Variants in NFKBIZ observed in about 807,000 individuals in gnomAD.
The protein encoded by NFKBIZ is NFKB inhibitor zeta.
NFKBIZ carries 19 observed loss-of-function variants against 76.8 expected under a neutral mutation model. The ratio of observed to expected loss-of-function variants is 0.25; its 90% confidence interval spans 0.17 to 0.36. NFKBIZ has a LOEUF of 0.36. Ranked by LOEUF, NFKBIZ falls within the 10% of genes least tolerant of loss-of-function variation. NFKBIZ has a pLI of 1.00. For missense variants in NFKBIZ, 829 were observed against 910.9 expected (o/e 0.91, Z 1.16); for synonymous variants, 368 against 354.8 (o/e 1.04, Z -0.42).
chr3:101,841,343 T>A (rs1215647936), intron 2 of NFKBIZ, among the ~76,000 whole-genome samples: 1 of 152,182 alleles, frequency 6.6e-6, no homozygotes, highest in African/African-American at 2.4e-5. Context: ...GGGAAGTATA[T>A]AAGTGCCAGT....
At chr3:101,837,080 A>G (rs1277238062) in intron 2 of NFKBIZ, among the ~76,000 whole-genome samples, 1 of 152,178 alleles carries the variant, frequency 6.6e-6, no homozygotes, top group Non-Finnish European at 1.5e-5. Flanking sequence ...ATCTGTTTAC[A>G]CCATTCTCCA....
rs111616970 is a variant in NFKBIZ, at chr3:101,830,383, C to G, written c.-12+695C>G. The stretch of plus-strand genomic sequence containing the variant: ...GGGGGTGCATGTATAGGTTTGTTAC[C>G]TGGGTGTATTGCGTGATGTTGAGGT... On this transcript the variant is annotated intron_variant, in intron 2 of 12. Coordinates refer to the NFKBIZ transcript ENST00000394054. Among the ~76,000 whole-genome samples, 547 of 152,170 alleles carry G rather than the reference C, an allele frequency of 3.6e-3. 2 individuals are homozygous for G. Among genetic ancestry groups the G allele is most frequent in the African/African-American group, 0.012 (482 of 41,518 alleles).
At position 101,860,915 on chromosome 3, in the gene NFKBIZ, G is replaced by C. The variant is rs1317745075; in HGVS notation, c.*1544G>C. On this transcript the variant is annotated 3_prime_UTR_variant, in exon 12 of 12. Coordinates refer to ENST00000326172, the MANE Select transcript of NFKBIZ (RefSeq NM_031419.4). ...CACATTGTTTGACCCAGTATGTCTTGTAGACACGTTAGTTATAATCACCTT... is the reference window on the plus strand; with the variant it reads ...CACATTGTTTGACCCAGTATGTCTTCTAGACACGTTAGTTATAATCACCTT... The C allele has an allele frequency of 6.6e-6, 1 of 151,096 alleles. No homozygotes were observed. The highest frequency in any genetic ancestry group is 1.9e-4 in the East Asian group (1 of 5,172). 9.4% of individuals were successfully genotyped at this position (151,096 alleles called of 1,614,324 possible).
upstream of NFKBIZ, among the ~76,000 whole-genome samples, chr3:101,848,581 G>T (rs965315807): frequency 2.6e-5 from 4 of 152,106 alleles, no homozygotes; most frequent in African/African-American, 9.7e-5. Context: ...TATCATTCCC[G>T]CATTTTTTGC....
chr3:101,849,539 C>G lies in NFKBIZ; in HGVS notation c.-90C>G. 3 of 1,165,648 alleles carry G rather than the reference C, an allele frequency of 2.6e-6. No individual in the cohort carries two copies. Among genetic ancestry groups the G allele is most frequent in the South Asian group, 2.8e-5 (1 of 35,140 alleles). The allele number at this position is 1,165,648 out of a possible 1,614,324, so 72.2% of individuals were successfully genotyped here. A position where few individuals can be genotyped will look rare whatever the true frequency, so the allele number is the denominator to read the frequency against. ...GTACTGGCCCGCGCCGTCCGCCCGC[C>G]GACAGCTCCCTGAGCCAGCCCGGGA... On this transcript the variant is annotated 5_prime_UTR_variant, in exon 1 of 12. Coordinates refer to ENST00000326172, the MANE Select transcript of NFKBIZ (RefSeq NM_031419.4).
chr3:101,858,458 T>G, intron 11 of NFKBIZ: 5 of 985,178 alleles, frequency 5.1e-6, no homozygotes, highest in Non-Finnish European at 6.0e-6. Context: ...AAGCCCAGTA[T>G]TTGCTTCTAC....
intron 2 of NFKBIZ, among the ~76,000 whole-genome samples, chr3:101,843,160 T>C (rs1206191759): frequency 6.6e-6 from 1 of 151,940 alleles, no homozygotes; most frequent in Non-Finnish European, 1.5e-5. Flanking sequence ...GTTGACCAGG[T>C]GCAGGGGTTT....
chr3:101,849,259 G>C (rs1264062988), upstream of NFKBIZ: 1 of 171,152 alleles, frequency 5.8e-6, no homozygotes, highest in Non-Finnish European at 1.2e-5. Context: ...CGGGAGGCTG[G>C]AAGCCGCGCG....
At position 101,853,672 on chromosome 3, in the gene NFKBIZ, T is replaced by G; in HGVS notation, c.1146T>G (p.Cys382Trp). The G allele has an allele frequency of 6.2e-7, 1 of 1,614,264 alleles. No individual in the cohort carries two copies. Among genetic ancestry groups the G allele is most frequent in the Non-Finnish European group, 8.5e-7 (1 of 1,180,042 alleles). ...TCAGCATGATGCCCAGCAGCGCCTGTGAGGCCATGGTGGGGCACGAGATGG... is the reference window on the plus strand; with the variant it reads ...TCAGCATGATGCCCAGCAGCGCCTGGGAGGCCATGGTGGGGCACGAGATGG... ...HSFSMMPSSA[C>W]EAMVGHEMAS... Residue 382 changes from cysteine (C) to tryptophan (W), a missense_variant, in exon 5 of 12, where the codon TGT (cysteine) becomes TGG (tryptophan). Physicochemically the swap from Cys to Trp is radical, Grantham distance 215. Transcript: ENST00000326172.
chr3:101,849,687 C>T lies in NFKBIZ; in HGVS notation c.59C>T (p.Ala20Val). The T allele has an allele frequency of 7.2e-7, 1 of 1,388,564 alleles. No individual in the cohort carries two copies. Among genetic ancestry groups the T allele is most frequent in the Non-Finnish European group, 9.3e-7 (1 of 1,078,468 alleles). The allele number at this position is 1,388,564 out of a possible 1,614,324, so 86.0% of individuals were successfully genotyped here. Residue 20 changes from alanine (A) to valine (V), a missense_variant, in exon 1 of 12, where the codon GCG becomes GTG. Transcript: ENST00000326172. ...SRGGEGLRDA[A>V]GGCGLMTSPL... Reference sequence around the variant, plus strand: ...GGCGGAGAGGGGCTGCGGGACGCGGCGGGCGGCTGCGGCCTCATGACCAGC... The same window carrying T: ...GGCGGAGAGGGGCTGCGGGACGCGGTGGGCGGCTGCGGCCTCATGACCAGC...
At chr3:101,857,011 T>G (rs2107422482) in intron 9 of NFKBIZ, 62 bp from the exon 10 acceptor site, 2 of 1,189,522 alleles carry the variant, frequency 1.7e-6, no homozygotes, top group South Asian at 1.3e-5. Context: ...GTGAAAAGTG[T>G]ATTCTGAGGC....
chr3:101,857,033 A>ATTTT, intron 9 of NFKBIZ, 40 bp from the exon 10 acceptor site: 1 of 1,088,154 alleles, frequency 9.2e-7, no homozygotes. Context: ...TAGTATCTGG[A>ATTTT]TTTTTTTTTT....
At chr3:101,856,910 T>G (rs1943057337) in intron 9 of NFKBIZ, 163 bp from the exon 10 acceptor site, 3 of 571,064 alleles carry the variant, frequency 5.3e-6, no homozygotes, top group South Asian at 2.4e-5. Context: ...GAATAAAAGA[T>G]TCCATTTAGC....
At chr3:101,850,084 C>G (rs1049652510) in intron 1 of NFKBIZ, among the ~76,000 whole-genome samples, 167 bp downstream of exon 1, 2 of 151,770 alleles carry the variant, frequency 1.3e-5, no homozygotes, top group African/African-American at 4.8e-5. Flanking sequence ...GGGCGCCTGC[C>G]TGACCTACAC....
Position 101,857,089 on chromosome 3 carries a change from G to A in NFKBIZ, c.1841G>A (p.Arg614His), listed in dbSNP as rs1943060346. The change falls in exon 10 of 12, where the codon CGC becomes CAC. Residue 614 changes from arginine to histidine, a missense_variant. Coordinates refer to ENST00000326172, the MANE Select transcript of NFKBIZ (RefSeq NM_031419.4). ...TTTGACAAGGATCGCAAAAGTGGCC[G>A]CACAGCCCTGCATTTGGCAGCTGAA... Reference protein sequence around the residue: ...AVEAKDRKSGRTALHLAAEEA... With the variant: ...AVEAKDRKSGHTALHLAAEEA... The A allele has an allele frequency of 5.6e-6, 9 of 1,611,100 alleles. No homozygotes were observed. The highest frequency in any genetic ancestry group is 3.3e-5 in the Admixed American group (2 of 59,868).
At chr3:101,837,370 A>G (rs994594511) in intron 2 of NFKBIZ, among the ~76,000 whole-genome samples, 2 of 151,988 alleles carry the variant, frequency 1.3e-5, no homozygotes, top group Non-Finnish European at 2.9e-5. Context: ...ATTCCTCCTT[A>G]AAGGACTATT....
In NFKBIZ at chr3:101,855,771, G is replaced by T; in HGVS notation, c.1693G>T (p.Ala565Ser). 6.2e-7 allele frequency: 1 copy of T among 1,613,326 alleles called. No individual in the cohort carries two copies. Among genetic ancestry groups the T allele is most frequent in the Non-Finnish European group, 8.5e-7 (1 of 1,179,734 alleles). Residue 565 changes from alanine (A) to serine (S), a missense_variant, in exon 9 of 12, where the codon GCT becomes TCT. Physicochemically the swap from Ala to Ser is moderately conservative, Grantham distance 99. Around this residue, in one of 4 missense-constraint regions of NFKBIZ, gnomAD observed 272 missense variants for 384.2 expected, o/e 0.71. Coordinates refer to ENST00000326172, the MANE Select transcript of NFKBIZ (RefSeq NM_031419.4). ...PLHCAVIAHN[A>S]VVHELQRNQQ... ...TCACTGTGCAGTCATAGCCCACAAT[G>T]CTGTGGTCCATGAACTCCAGAGAAA...
intron 11 of NFKBIZ, chr3:101,858,069 T>G (rs1436543386): frequency 4.3e-6 from 4 of 929,218 alleles, no homozygotes; most frequent in Non-Finnish European, 5.1e-6. Flanking sequence ...ATGAGTAAAC[T>G]TTTTAGATAA....
Position 101,854,614 on chromosome 3 carries a change from A to G in NFKBIZ, c.1374A>G (p.Ala458=). The G allele has an allele frequency of 6.2e-7, 1 of 1,613,492 alleles. No homozygotes were observed. Residue 458 remains alanine (A), a synonymous_variant, in exon 6 of 12, where the codon GCA becomes GCG. Coordinates refer to ENST00000326172, the MANE Select transcript of NFKBIZ (RefSeq NM_031419.4). The part of the protein sequence containing the change: ...LHIAVAQGRR[A]LSYVLARKMN... ...TTGCTGTTGCCCAAGGGAGAAGGGCACTTTCCTATGTTCTTGCAAGAAAGA... is the reference window on the plus strand; with the variant it reads ...TTGCTGTTGCCCAAGGGAGAAGGGCGCTTTCCTATGTTCTTGCAAGAAAGA...
Sources: gnomAD v4.1 joint callset for allele counts (sites outside exome capture counted in the v4.1 genomes callset) on GRCh38, gnomAD v4.1.1 for gene constraint, gnomAD v4.1.1 regional missense constraint, MANE v1.5 for transcripts, NCBI Gene and HGNC (gene_info 2026-07-23, HGNC 2026-07-21) for gene names.